The following OSBPL11 variants were observed in gnomAD, a reference collection of about 807,000 sequenced individuals.
The protein encoded by OSBPL11 is oxysterol-binding protein-related protein 11.
OSBPL11 carries 33 observed loss-of-function variants against 84.4 expected under a neutral mutation model. That is an observed-to-expected ratio of 0.39 (90% CI 0.30 to 0.52). The LOEUF (loss-of-function observed/expected upper bound fraction) is 0.52. Among genes scored for constraint, OSBPL11 ranks in the 20% least tolerant of loss-of-function variants. The pLI, the probability that OSBPL11 is intolerant of heterozygous loss-of-function variation, is 0.72. For missense variants in OSBPL11, 736 were observed against 901.1 expected (o/e 0.82, Z 2.35); for synonymous variants, 276 against 310.2 (o/e 0.89, Z 1.16).
At chr3:125,580,064 T>C (rs1185415281) in intron 2 of OSBPL11, 24 bp from the exon 3 acceptor site, 3 of 1,594,048 alleles carry the variant, frequency 1.9e-6, no homozygotes, top group African/African-American at 1.4e-5. Flanking sequence ...TTAAAATCCA[T>C]AATTTGTAAA....
chr3:125,550,354 G>A (rs1417669873), intron 9 of OSBPL11, among the ~76,000 whole-genome samples: 1 of 146,066 alleles, frequency 6.8e-6, no homozygotes, highest in African/African-American at 2.6e-5. Context: ...CAACCTGGGC[G>A]ACACAGCTAG....
rs1400027396 is a variant in OSBPL11, at chr3:125,592,790, GA to G, written c.164+1846del. Among the ~76,000 whole-genome samples the G allele has an allele frequency of 4.0e-5, 6 of 150,704 alleles. No individual in the cohort carries two copies. The East Asian group carries it at 1.2e-3, about 29-fold the overall frequency. The stretch of plus-strand genomic sequence containing the variant: ...AAAGAAAAATATTAAGACCTAACAG[GA>G]AATGTATAAAAAACACATATGTAGA... On this transcript the variant is annotated intron_variant, in intron 1 of 12. Transcript: ENST00000296220.
At chr3:125,575,787 T>C (rs982716450) in intron 5 of OSBPL11, among the ~76,000 whole-genome samples, 2 of 152,104 alleles carry the variant, frequency 1.3e-5, no homozygotes, top group East Asian at 1.9e-4. Flanking sequence ...TCCTCCCACC[T>C]TGGCTTCCCA....
In OSBPL11 at chr3:125,594,987, T is replaced by C; in HGVS notation, c.-187A>G. The C allele has an allele frequency of 1.7e-6, 1 of 604,800 alleles. No homozygotes were observed. The highest frequency in any genetic ancestry group is 2.8e-6 in the Non-Finnish European group (1 of 352,110). 37.5% of individuals were successfully genotyped at this position (604,800 alleles called of 1,614,324 possible). A position where few individuals can be genotyped will look rare whatever the true frequency, so the allele number is the denominator to read the frequency against. On this transcript the variant is annotated 5_prime_UTR_variant, in exon 1 of 13. Coordinates refer to ENST00000296220, the MANE Select transcript of OSBPL11 (RefSeq NM_022776.5). ...CACATTCCCACAGAAGTTAAACTTT[T>C]GAGAGGGCAGGGGAAGCAACGAGGA...
chr3:125,594,626 A>T lies in OSBPL11; in HGVS notation c.164+11T>A. 5.0e-6 allele frequency: 8 copies of T among 1,607,538 alleles called. No individual in the cohort carries two copies. Among genetic ancestry groups the T allele is most frequent in the Non-Finnish European group, 6.8e-6 (8 of 1,176,222 alleles). ...CCACCTCGGGAAATAATTTTGGAGA[A>T]AGGAGCATACCTGTACTGCCAGCCT... On this transcript the variant is annotated intron_variant, in intron 1 of 12. Transcript: ENST00000296220.
At chr3:125,574,865 A>C (rs1403975415) in intron 5 of OSBPL11, among the ~76,000 whole-genome samples, 8 of 152,234 alleles carry the variant, frequency 5.3e-5, no homozygotes, top group Non-Finnish European at 8.8e-5. Context: ...AATCATGGAT[A>C]GGTTAAAGAT....
chr3:125,576,399 C>G (rs1936323801), intron 4 of OSBPL11, 34 bp from the exon 5 acceptor site: 1 of 1,503,278 alleles, frequency 6.7e-7, no homozygotes, highest in Non-Finnish European at 8.9e-7. Flanking sequence ...CTTTTGTTTT[C>G]TTCTTTAATT....
intron 12 of OSBPL11, among the ~76,000 whole-genome samples, chr3:125,531,230 G>A (rs1264690349): frequency 6.6e-6 from 1 of 151,088 alleles, no homozygotes; most frequent in Non-Finnish European, 1.5e-5. Context: ...CGCCCGCCTC[G>A]GCCTCCCAAA....
chr3:125,532,423 C>T (rs1243350781), intron 11 of OSBPL11, among the ~76,000 whole-genome samples: 1 of 151,822 alleles, frequency 6.6e-6, no homozygotes, highest in Non-Finnish European at 1.5e-5. Context: ...ACATATAATA[C>T]AATAGTGGTT....
At position 125,567,582 on chromosome 3, in the gene OSBPL11, G is replaced by A; in HGVS notation, c.680C>T (p.Ala227Val). 6.2e-7 allele frequency: 1 copy of A among 1,613,828 alleles called. No individual in the cohort carries two copies. Among genetic ancestry groups the A allele is most frequent in the Non-Finnish European group, 8.5e-7 (1 of 1,179,750 alleles). The change falls in exon 6 of 13, where the codon GCT becomes GTT. Residue 227 changes from alanine to valine, a missense_variant. Transcript: ENST00000296220. ...AATTAAGTCTCTTTGTTGTCCTTCA[G>A]CATGAGACATCATCTAAGGAAAAAA... Reference protein sequence around the residue: ...LVEVREMMSHAEGQQRDLIRR... With the variant: ...LVEVREMMSHVEGQQRDLIRR...
chr3:125,550,636 T>C (rs1302571056), intron 9 of OSBPL11, among the ~76,000 whole-genome samples: 1 of 152,220 alleles, frequency 6.6e-6, no homozygotes, highest in East Asian at 1.9e-4. Flanking sequence ...ATAGTGTTCT[T>C]TGCATAAGAG....
intron 9 of OSBPL11, among the ~76,000 whole-genome samples, chr3:125,550,385 ACACACAC>A (rs1434540850): frequency 1.4e-5 from 2 of 147,782 alleles, no homozygotes; most frequent in African/African-American, 5.1e-5. Flanking sequence ...ACACACACAC[ACACACAC>A]ACACACACAC....
intron 10 of OSBPL11, 33 bp downstream of exon 10, chr3:125,547,373 A>G (rs1048427763): frequency 6.4e-7 from 1 of 1,567,274 alleles, no homozygotes. Context: ...AAGTGGAAGA[A>G]TAAGAACTAG....
intron 7 of OSBPL11, among the ~76,000 whole-genome samples, chr3:125,562,852 G>T (rs531067698): frequency 6.6e-6 from 1 of 152,102 alleles, no homozygotes; most frequent in African/African-American, 2.4e-5. Flanking sequence ...CTGGAACCCC[G>T]GAGGCGGAGG....
rs3174607 is a variant in OSBPL11, at chr3:125,529,561, G to C, written c.*954C>G. On this transcript the variant is annotated 3_prime_UTR_variant, in exon 13 of 13. Coordinates refer to ENST00000296220, the MANE Select transcript of OSBPL11 (RefSeq NM_022776.5). ...ATCATTTATTTTAATTTTTAACAGA[G>C]GTAAAATAAAGCATACTTATCCAAA... 6.6e-6 allele frequency: 1 copy of C among 151,832 alleles called. No individual in the cohort carries two copies. Among genetic ancestry groups the C allele is most frequent in the Non-Finnish European group, 1.5e-5 (1 of 67,900 alleles). The allele number at this position is 151,832 out of a possible 1,614,324, so 9.4% of individuals were successfully genotyped here.
rs984639960 is a variant in OSBPL11, at chr3:125,594,822, C to A, written c.-22G>T. The A allele has an allele frequency of 8.1e-6, 13 of 1,610,370 alleles. No individual in the cohort carries two copies. The highest frequency in any genetic ancestry group is 1.0e-5 in the Non-Finnish European group (12 of 1,177,656). The stretch of plus-strand genomic sequence containing the variant: ...GCATCTTAACGCCAAAGTCCACTTG[C>A]CCTTCTTGAGCGGGAGAGAACAATT... On this transcript the variant is annotated 5_prime_UTR_variant, in exon 1 of 13. Transcript: ENST00000296220.
At chr3:125,573,837 A>G (rs1030695952) in intron 5 of OSBPL11, among the ~76,000 whole-genome samples, 1 of 134,406 alleles carries the variant, frequency 7.4e-6, no homozygotes, top group African/African-American at 2.9e-5. Context: ...GTGCCATTGC[A>G]CTCCAGCCTG....
intron 2 of OSBPL11, among the ~76,000 whole-genome samples, chr3:125,581,096 A>AT (rs145570813): frequency 0.07 from 10,325 of 146,666 alleles, 466 homozygotes; most frequent in Non-Finnish European, 0.1. Flanking sequence ...TAGTGTAATA[A>AT]TTTTTTTTTT....
rs1378094952 is a variant in OSBPL11, at chr3:125,563,780, T to C, written c.932A>G (p.Asp311Gly). 3 of 1,614,214 alleles carry C rather than the reference T, an allele frequency of 1.9e-6. No homozygotes were observed. The highest frequency in any genetic ancestry group is 3.3e-4 in the Middle Eastern group (2 of 6,060). Residue 311 changes from aspartate to glycine, a missense_variant, in exon 7 of 13, where the codon GAC (aspartate) becomes GGC (glycine). By Grantham distance (94) the Asp-to-Gly change is moderately conservative (BLOSUM62 -1). Coordinates refer to ENST00000296220, the MANE Select transcript of OSBPL11 (RefSeq NM_022776.5). Reference sequence around the variant, plus strand: ...ACTCTGATCAGTTGCAAAGGGCTGGTCAGCTCCATTTTTATAGTGGTTTGA... The same window carrying C: ...ACTCTGATCAGTTGCAAAGGGCTGGCCAGCTCCATTTTTATAGTGGTTTGA... ...SLSNHYKNGA[D>G]QPFATDQSKP...
Sources: gnomAD v4.1 joint callset for allele counts (sites outside exome capture counted in the v4.1 genomes callset) on GRCh38, gnomAD v4.1.1 for gene constraint, MANE v1.5 for transcripts, NCBI Gene and HGNC (gene_info 2026-07-23, HGNC 2026-07-21) for gene names.